The following ZNF292 variants were observed in gnomAD, a reference collection of about 807,000 sequenced individuals.
ZNF292 encodes zinc finger protein 292.
Under a neutral mutation model 217.9 loss-of-function variants are expected in ZNF292, and 26 were observed. That is an observed-to-expected ratio of 0.12 (90% confidence interval 0.09 to 0.17). The LOEUF is 0.17. ZNF292 is among the 10% of genes least tolerant of loss of function. The pLI, the probability that ZNF292 is intolerant of heterozygous loss-of-function variation, is 1.00. For missense variants in ZNF292, 2,904 were observed against 3,175.2 expected, an observed-to-expected ratio of 0.91 and a Z score of 2.05; for synonymous variants, 1,257 against 1,124.1, an observed-to-expected ratio of 1.12 and a Z score of -2.37.
Position 87,255,742 on chromosome 6 carries a change from C to T in ZNF292, c.2113C>T (p.His705Tyr). ...AAATTTAATTGCTCATGTGAAGGGG[C>T]ATAAAGATAATGAAGACGCCAAGCG... ...FKNLIAHVKG[H>Y]KDNEDAKRFL... Residue 705 changes from histidine to tyrosine, a missense_variant, in exon 8 of 8, where the codon CAT becomes TAT. Physicochemically the swap from His to Tyr is moderately conservative, Grantham distance 83 (BLOSUM62 2). Around this residue, in one of 15 missense-constraint regions of ZNF292, gnomAD observed 216 missense variants for 308.3 expected, o/e 0.70. Transcript: ENST00000369577. The T allele has an allele frequency of 6.2e-7, 1 of 1,613,622 alleles. No individual in the cohort carries two copies. Among genetic ancestry groups the T allele is most frequent in the Non-Finnish European group, 8.5e-7 (1 of 1,179,792 alleles).
intron 4 of ZNF292, chr6:87,223,976 T>C (rs1773219026): frequency 6.6e-6 from 1 of 152,240 alleles, no homozygotes; most frequent in Non-Finnish European, 1.5e-5. Context: ...ACAAAGATCA[T>C]TGTAGCCTCC....
In ZNF292 at chr6:87,260,862, A is replaced by G. The variant is rs1775540862; in HGVS notation, c.7233A>G (p.Lys2411=). The G allele has an allele frequency of 6.2e-7, 1 of 1,610,878 alleles. No homozygotes were observed. ...TAATTAGACATTATAAGTGCCATAA[A>G]TTATCTAAGGCATTTACATCACAAC... ...SNIIRHYKCH[K]LSKAFTSQHR... Residue 2411 remains lysine, a synonymous_variant, in exon 8 of 8, where the codon AAA becomes AAG. Coordinates refer to ENST00000369577, the MANE Select transcript of ZNF292 (RefSeq NM_015021.3).
Position 87,261,945 on chromosome 6 carries a change from C to A in ZNF292, c.*144C>A, listed in dbSNP as rs1775628037. On this transcript the variant is annotated 3_prime_UTR_variant, in exon 8 of 8. Coordinates refer to ENST00000369577, the MANE Select transcript of ZNF292 (RefSeq NM_015021.3). ...CCAAAAACAAAAAAGAAAAAAAAAA[C>A]ATGACATTTGTCATGTAAAACTTTT... is the stretch of plus-strand genomic sequence containing the variant. 1 of 559,288 alleles carries A rather than the reference C, an allele frequency of 1.8e-6. No homozygotes were observed. The highest frequency in any genetic ancestry group is 2.8e-6 in the Non-Finnish European group (1 of 354,576). The allele number at this position is 559,288 out of a possible 1,614,324, so 34.6% of individuals were successfully genotyped here. A position where few individuals can be genotyped will look rare whatever the true frequency, so the allele number is the denominator to read the frequency against.
rs753507047 is a variant in ZNF292 at position 87,255,807 on chromosome 6, C to T, written c.2178C>T (p.Tyr726=). Residue 726 remains tyrosine (Y), a synonymous_variant, in exon 8 of 8, where the codon TAC becomes TAT. Coordinates refer to ENST00000369577, the MANE Select transcript of ZNF292 (RefSeq NM_015021.3). ...AGAGCAAAAAAGTTATTTGCCAGTA[C>T]TGTAGGCGGCATTTTGTGAGTGTTA... is the stretch of plus-strand genomic sequence containing the variant. ...EMQSKKVICQ[Y]CRRHFVSVTH... The T allele has an allele frequency of 3.3e-5, 53 of 1,613,730 alleles. 1 individual carries two copies. In the Admixed American group the frequency reaches 8.5e-4, roughly 26 times the overall value.
intron 1 of ZNF292, among the ~76,000 whole-genome samples, chr6:87,184,535 A>G (rs1455477480): frequency 6.8e-6 from 1 of 147,532 alleles, no homozygotes; most frequent in East Asian, 2.0e-4. Flanking sequence ...TGTAAGGAAT[A>G]CAATAAGAAG....
intron 1 of ZNF292, among the ~76,000 whole-genome samples, chr6:87,176,858 C>T (rs891662582): frequency 3.3e-5 from 5 of 152,154 alleles, no homozygotes; most frequent in African/African-American, 1.2e-4. Flanking sequence ...CTTCCATTTT[C>T]AGTCACCTGT....
chr6:87,192,397 T>A (rs1771843734), intron 1 of ZNF292, among the ~76,000 whole-genome samples: 1 of 152,048 alleles, frequency 6.6e-6, no homozygotes, highest in Non-Finnish European at 1.5e-5. Flanking sequence ...AAAATAACTT[T>A]TTTGGTAAGT....
rs200530420 is a variant in ZNF292 at position 87,260,166 on chromosome 6, T to C, written c.6537T>C (p.Cys2179=). Reference sequence around the variant, plus strand: ...AATTTCGATGTCAGGTAAGTGACTGTTCTCGAATTTTCCAAGCAATTACTG... The same window carrying C: ...AATTTCGATGTCAGGTAAGTGACTGCTCTCGAATTTTCCAAGCAATTACTG... ...LKEFRCQVSD[C]SRIFQAITGL... The change falls in exon 8 of 8, where the codon TGT becomes TGC. Residue 2179 remains cysteine (C), a synonymous_variant. Coordinates refer to ENST00000369577, the MANE Select transcript of ZNF292 (RefSeq NM_015021.3). 5.0e-6 allele frequency: 8 copies of C among 1,612,860 alleles called. No homozygotes were observed. The East Asian group carries it at 1.8e-4, about 36-fold the overall frequency.
intron 1 of ZNF292, among the ~76,000 whole-genome samples, chr6:87,207,270 A>C (rs1174981093): frequency 2.6e-5 from 4 of 152,230 alleles, no homozygotes; most frequent in Non-Finnish European, 5.9e-5. Context: ...TTAAGCTGTA[A>C]CAGAAGTGAC....
chr6:87,211,877 A>G (rs4099964), intron 1 of ZNF292, among the ~76,000 whole-genome samples: 81,939 of 151,986 alleles, frequency 0.54, 22,549 homozygotes, highest in African/African-American at 0.63. Context: ...TTACAGTGAC[A>G]TTTATCTTTG....
intron 7 of ZNF292, chr6:87,249,165 C>G: frequency 6.5e-6 from 1 of 154,094 alleles, no homozygotes; most frequent in South Asian, 1.9e-4. Context: ...CTTCCTCTGT[C>G]ATCCAGACTG....
At chr6:87,241,851 G>A (rs1252524343) in intron 5 of ZNF292, among the ~76,000 whole-genome samples, 3 of 152,318 alleles carry the variant, frequency 2.0e-5, no homozygotes, top group East Asian at 1.9e-4. Flanking sequence ...ACAACGGTGC[G>A]AAAGTGGTAC....
At chr6:87,222,628 C>T (rs575168772) in intron 4 of ZNF292, 7 of 249,320 alleles carry the variant, frequency 2.8e-5, no homozygotes, top group African/African-American at 8.8e-5. Context: ...ACCCTGAACC[C>T]GTTTTCACTC....
intron 1 of ZNF292, among the ~76,000 whole-genome samples, chr6:87,192,545 C>T (rs915635122): frequency 6.6e-6 from 1 of 152,122 alleles, no homozygotes; most frequent in Admixed American, 6.5e-5. Flanking sequence ...ACCCAGACCC[C>T]TCTAGGAAAC....
Position 87,260,647 on chromosome 6 carries a change from A to G in ZNF292, c.7018A>G (p.Asn2340Asp). The G allele has an allele frequency of 1.2e-6, 2 of 1,612,466 alleles. No individual in the cohort carries two copies. The highest frequency in any genetic ancestry group is 1.1e-5 in the South Asian group (1 of 90,820). The change falls in exon 8 of 8, where the codon AAT becomes GAT. Residue 2340 changes from asparagine (N) to aspartate (D), a missense_variant. Around this residue, in one of 15 missense-constraint regions of ZNF292, gnomAD observed 101 missense variants for 89.5 expected, o/e 1.13. Transcript: ENST00000369577. The stretch of plus-strand genomic sequence containing the variant: ...CAAGACCAAACGAAAGAAAAAAAAT[A>G]ATTTAGAAAACAAGAATGCAAAGAT... ...MPKTKRKKKN[N>D]LENKNAKIVQ...
At chr6:87,189,432 G>C (rs890257954) in intron 1 of ZNF292, among the ~76,000 whole-genome samples, 13 of 151,702 alleles carry the variant, frequency 8.6e-5, no homozygotes, top group Admixed American at 4.6e-4. Context: ...ACTTGATTCA[G>C]ATCTCCTTAG....
chr6:87,230,051 A>G (rs949592701), intron 4 of ZNF292, among the ~76,000 whole-genome samples: 9 of 152,170 alleles, frequency 5.9e-5, no homozygotes, highest in Non-Finnish European at 1.0e-4. Context: ...AAGTGACACA[A>G]CTAGGTGATA....
chr6:87,169,870 T>A, intron 1 of ZNF292: 3 of 210,066 alleles, frequency 1.4e-5, no homozygotes, highest in Non-Finnish European at 3.0e-5. Flanking sequence ...CTGGTCTTGA[T>A]CTCCTGGGCT....
At chr6:87,174,858 T>TAGTGC (rs1562123317) in intron 1 of ZNF292, among the ~76,000 whole-genome samples, 1 of 152,182 alleles carries the variant, frequency 6.6e-6, no homozygotes, top group Non-Finnish European at 1.5e-5. Flanking sequence ...TTTATGCAAA[T>TAGTGC]ATACTCAGTG....
Sources: allele counts gnomAD v4.1 joint callset (sites outside exome capture counted in the v4.1 genomes callset), GRCh38; gene constraint gnomAD v4.1.1; regional missense constraint gnomAD v4.1.1; transcripts MANE v1.5; gene names NCBI Gene and HGNC (gene_info 2026-07-23, HGNC 2026-07-21).